Variants in ID4 observed in about 807,000 individuals in gnomAD.
ID4 encodes DNA-binding protein inhibitor ID-4.
In ID4, 9 loss-of-function variants were observed where a neutral mutation model predicts 8.6. That is an observed-to-expected ratio of 1.04 (90% CI 0.63 to 1.82). The LOEUF is 1.82. ID4 is among the 40% of genes most tolerant of loss of function. The pLI is 0.00. For synonymous variants in ID4, 180 were observed against 118.0 expected, an observed-to-expected ratio of 1.53 and a Z score of -3.41; for missense variants, 270 against 235.1, an observed-to-expected ratio of 1.15 and a Z score of -0.97.
rs140771147 is a variant in ID4, at chr6:19,840,470, G to GA, written c.*1283dup. 21,206 of 151,964 alleles carry GA rather than the reference G, an allele frequency of 0.14. 1,621 individuals are homozygous for GA. Among genetic ancestry groups the GA allele is most frequent in the Middle Eastern group, 0.22 (65 of 294 alleles). The allele number at this position is 151,964 out of a possible 1,614,324, so 9.4% of individuals were successfully genotyped here. On this transcript the variant is annotated 3_prime_UTR_variant, in exon 3 of 3. Coordinates refer to ENST00000378700, the MANE Select transcript of ID4 (RefSeq NM_001546.4). ...AAAGAATTAATAGGCAACAGTGGGA[G>GA]AAAAAAAAGGCATAATGGCAAATCC... is the stretch of plus-strand genomic sequence containing the variant.
At position 19,842,009 on chromosome 6, in the gene ID4, A is replaced by G. The variant is rs192732276; in HGVS notation, c.*2814A>G. On this transcript the variant is annotated 3_prime_UTR_variant, in exon 3 of 3. Transcript: ENST00000378700. Reference sequence around the variant, plus strand: ...GCTACAAAATCCTGACATCTCAGACATCTCAATGTTAAAGGAAGAAAAAAA... The same window carrying G: ...GCTACAAAATCCTGACATCTCAGACGTCTCAATGTTAAAGGAAGAAAAAAA... Among the ~76,000 whole-genome samples, 637 of 152,322 alleles carry G rather than the reference A, an allele frequency of 4.2e-3. 3 individuals carry two copies. The highest frequency in any genetic ancestry group is 6.8e-3 in the Middle Eastern group (2 of 294).
chr6:19,838,421 C>T (rs1264899585), intron 1 of ID4, among the ~76,000 whole-genome samples, 163 bp from the exon 2 acceptor site: 1 of 152,128 alleles, frequency 6.6e-6, no homozygotes, highest in African/African-American at 2.4e-5. Context: ...TGTGGGCGCC[C>T]TGGGCTGTCA....
chr6:19,838,517 C>T (rs951232701), intron 1 of ID4, 67 bp from the exon 2 acceptor site: 8 of 1,600,470 alleles, frequency 5.0e-6, no homozygotes, highest in South Asian at 3.3e-5. Context: ...GAGGACAATC[C>T]AGGACCGTGT....
rs956302192 is a variant in ID4, at chr6:19,839,698, T to C, written c.*503T>C. ...CTTTTCTCTGCAAGAATGTTACATATTGTATAGATAAATGAGTGACATTTC... is the reference window on the plus strand; with the variant it reads ...CTTTTCTCTGCAAGAATGTTACATACTGTATAGATAAATGAGTGACATTTC... On this transcript the variant is annotated 3_prime_UTR_variant, in exon 3 of 3. Coordinates refer to ENST00000378700, the MANE Select transcript of ID4 (RefSeq NM_001546.4). The C allele has an allele frequency of 3.9e-5, 6 of 152,562 alleles. No homozygotes were observed. Among genetic ancestry groups the C allele is most frequent in the African/African-American group, 1.4e-4 (6 of 41,386 alleles). 9.5% of individuals were successfully genotyped at this position (152,562 alleles called of 1,614,324 possible).
rs930783367 is a variant in ID4, at chr6:19,837,836, C to T, written c.82C>T (p.Leu28=). The change falls in exon 1 of 3, where the codon CTG becomes TTG. Residue 28 remains leucine, a synonymous_variant. Coordinates refer to ENST00000378700, the MANE Select transcript of ID4 (RefSeq NM_001546.4). The part of the protein sequence containing the change: ...CGGGELALRC[L]AEHGHSLGGS... ...CGGCGGGGAGCTGGCGCTGCGCTGC[C>T]TGGCCGAGCACGGCCACAGCCTGGG... 56 of 1,166,840 alleles carry T rather than the reference C, an allele frequency of 4.8e-5. No individual in the cohort carries two copies. The East Asian group carries it at 6.5e-4, about 14-fold the overall frequency. 72.3% of individuals were successfully genotyped at this position (1,166,840 alleles called of 1,614,324 possible). A position where few individuals can be genotyped will look rare whatever the true frequency, so the allele number is the denominator to read the frequency against.
Position 19,840,906 on chromosome 6 carries a change from CTG to C in ID4, c.*1717_*1718del, listed in dbSNP as rs564811462. ...AATTGGGTGCTTTGTAAATAGTCAACTGTGTGTATAACGTGGTCTGTTTGATT... is the reference window on the plus strand; with the variant it reads ...AATTGGGTGCTTTGTAAATAGTCAACTGTGTATAACGTGGTCTGTTTGATT... On this transcript the variant is annotated 3_prime_UTR_variant, in exon 3 of 3. Coordinates refer to ENST00000378700, the MANE Select transcript of ID4 (RefSeq NM_001546.4). 1.1e-4 allele frequency among the ~76,000 whole-genome samples: 16 copies of C among 152,096 alleles called. No individual in the cohort carries two copies. Among genetic ancestry groups the C allele is most frequent in the Non-Finnish European group, 2.4e-4 (16 of 68,012 alleles).
Position 19,838,586 on chromosome 6 carries a change from C to A in ID4, c.444C>A (p.Ala148=), listed in dbSNP as rs759749643. ...TTGGTGTTCGGTTGCTGTTCCAGGC[C>A]GGCGCGGTGAACAAGCAGGGCGACA... ...TPLTALNTDP[A]GAVNKQGDSI... Residue 148 remains alanine (A), a splice_region_variant and synonymous_variant, in exon 2 of 3, where the codon GCC becomes GCA. Transcript: ENST00000378700. 6.2e-7 allele frequency: 1 copy of A among 1,613,988 alleles called. No homozygotes were observed.
rs777428151 is a variant in ID4, at chr6:19,838,565, T to TGTTCGGTTGCTGTTCCAGGC, written c.442-18_443dup. 3.1e-6 allele frequency: 5 copies of TGTTCGGTTGCTGTTCCAGGC among 1,613,888 alleles called. No homozygotes were observed. The highest frequency in any genetic ancestry group is 4.2e-6 in the Non-Finnish European group (5 of 1,179,856). On this transcript the variant is annotated intron_variant, in intron 1 of 2. Coordinates refer to ENST00000378700, the MANE Select transcript of ID4 (RefSeq NM_001546.4). ...TTGCGCCTGCTAACCTTTCCCTTGG[T>TGTTCGGTTGCTGTTCCAGGC]GTTCGGTTGCTGTTCCAGGCCGGCG... is the stretch of plus-strand genomic sequence containing the variant.
rs1761280065 is a variant in ID4, at chr6:19,838,500, G to C, written c.442-84G>C. ...GGTGGGGGCGTCGGCGCGCCAGCCT[G>C]ATTTCCGAGGACAATCCAGGACCGT... On this transcript the variant is annotated intron_variant, in intron 1 of 2. Transcript: ENST00000378700. 5 of 1,580,672 alleles carry C rather than the reference G, an allele frequency of 3.2e-6. No individual in the cohort carries two copies. In the African/African-American group the frequency reaches 4.0e-5, roughly 13 times the overall value.
chr6:19,838,423 G>A lies in ID4; in HGVS notation c.442-161G>A, dbSNP rs1021591039. On this transcript the variant is annotated intron_variant, in intron 1 of 2. Transcript: ENST00000378700. Reference sequence around the variant, plus strand: ...CGGGACTCGGGGCTGTGGGCGCCCTGGGCTGTCAAGTCCCGCCTGAGCCCG... The same window carrying A: ...CGGGACTCGGGGCTGTGGGCGCCCTAGGCTGTCAAGTCCCGCCTGAGCCCG... 8 of 532,788 alleles carry A rather than the reference G, an allele frequency of 1.5e-5. No individual in the cohort carries two copies. In the African/African-American group the frequency reaches 1.6e-4, roughly 11 times the overall value. 33.0% of individuals were successfully genotyped at this position (532,788 alleles called of 1,614,324 possible). A position where few individuals can be genotyped will look rare whatever the true frequency, so the allele number is the denominator to read the frequency against.
Position 19,837,879 on chromosome 6 carries a change from C to G in ID4, c.125C>G (p.Ala42Gly), listed in dbSNP as rs1199555665. Residue 42 changes from alanine (A) to glycine (G), a missense_variant, in exon 1 of 3, where the codon GCG (alanine) becomes GGG (glycine). By Grantham distance (60) the Ala-to-Gly change is moderately conservative. Coordinates refer to ENST00000378700, the MANE Select transcript of ID4 (RefSeq NM_001546.4). ...GHSLGGSAAA[A>G]AAAAAARCKA... ...AGCCTGGGTGGCTCCGCAGCCGCGG[C>G]GGCGGCGGCGGCGGCAGCGCGCTGT... 1 of 1,280,138 alleles carries G rather than the reference C, an allele frequency of 7.8e-7. No homozygotes were observed. 79.3% of individuals were successfully genotyped at this position (1,280,138 alleles called of 1,614,324 possible). A position where few individuals can be genotyped will look rare whatever the true frequency, so the allele number is the denominator to read the frequency against.
chr6:19,838,637 G>A lies in ID4; in HGVS notation c.*9G>A, dbSNP rs775444316. The A allele has an allele frequency of 1.9e-6, 3 of 1,613,690 alleles. No individual in the cohort carries two copies. Among genetic ancestry groups the A allele is most frequent in the Non-Finnish European group, 1.7e-6 (2 of 1,179,756 alleles). On this transcript the variant is annotated 3_prime_UTR_variant, in exon 2 of 3. Coordinates refer to ENST00000378700, the MANE Select transcript of ID4 (RefSeq NM_001546.4). ...GCATTCTGTGCCGCTGAGCCGCGCT[G>A]TCCAGGTGAGCGCGCATTTCCCGTC...
chr6:19,839,457 T>G lies in ID4; in HGVS notation c.*262T>G, dbSNP rs72836085. 2.0e-5 allele frequency: 3 copies of G among 152,750 alleles called. No homozygotes were observed. The highest frequency in any genetic ancestry group is 4.4e-5 in the Non-Finnish European group (3 of 68,024). The allele number at this position is 152,750 out of a possible 1,614,324, so 9.5% of individuals were successfully genotyped here. On this transcript the variant is annotated 3_prime_UTR_variant, in exon 3 of 3. Coordinates refer to ENST00000378700, the MANE Select transcript of ID4 (RefSeq NM_001546.4). ...TTATAACTGCTGTGAATTGTACATT[T>G]CTGTGTTTTTTGGAGGTGCAGTTAA... is the stretch of plus-strand genomic sequence containing the variant.
chr6:19,837,824 G>C lies in ID4; in HGVS notation c.70G>C (p.Ala24Pro). ...APSGCGGGEL[A>P]LRCLAEHGHS... The stretch of plus-strand genomic sequence containing the variant: ...GTCGGGCTGCGGCGGCGGGGAGCTG[G>C]CGCTGCGCTGCCTGGCCGAGCACGG... Residue 24 changes from alanine (A) to proline (P), a missense_variant, in exon 1 of 3, where the codon GCG becomes CCG. Ala to Pro is a conservative substitution (Grantham distance 27, BLOSUM62 -1). This residue lies in a region of ID4 where 160 missense variants were observed against 131.5 expected (regional missense o/e 1.22). Transcript: ENST00000378700. 3.5e-6 allele frequency: 4 copies of C among 1,147,886 alleles called. No homozygotes were observed. Among genetic ancestry groups the C allele is most frequent in the Non-Finnish European group, 4.3e-6 (4 of 934,628 alleles). The allele number at this position is 1,147,886 out of a possible 1,614,324, so 71.1% of individuals were successfully genotyped here. A position where few individuals can be genotyped will look rare whatever the true frequency, so the allele number is the denominator to read the frequency against.
Position 19,841,134 on chromosome 6 carries a change from T to C in ID4, c.*1939T>C, listed in dbSNP as rs1034440863. Reference sequence around the variant, plus strand: ...TAAAATCAATCAAAATGTTTAAAAATTGATTCTGTCCTCAGCATGTTATTT... The same window carrying C: ...TAAAATCAATCAAAATGTTTAAAAACTGATTCTGTCCTCAGCATGTTATTT... On this transcript the variant is annotated 3_prime_UTR_variant, in exon 3 of 3. Coordinates refer to ENST00000378700, the MANE Select transcript of ID4 (RefSeq NM_001546.4). Among the ~76,000 whole-genome samples, 3 of 152,198 alleles carry C rather than the reference T, an allele frequency of 2.0e-5. No homozygotes were observed. The highest frequency in any genetic ancestry group is 4.4e-5 in the Non-Finnish European group (3 of 68,006).
chr6:19,839,022 C>T (rs1168291529), intron 2 of ID4, 188 bp from the exon 3 acceptor site: 93 of 220,098 alleles, frequency 4.2e-4, no homozygotes, highest in Non-Finnish European at 3.6e-5. Context: ...CGGAGTGGGT[C>T]CCCTCTCCGG....
rs774615364 is a variant in ID4 at position 19,838,641 on chromosome 6, A to G, written c.*13A>G. 1.4e-5 allele frequency: 22 copies of G among 1,612,864 alleles called. No individual in the cohort carries two copies. The highest frequency in any genetic ancestry group is 4.2e-6 in the Non-Finnish European group (5 of 1,179,384). On this transcript the variant is annotated splice_region_variant and 3_prime_UTR_variant, in exon 2 of 3. Transcript: ENST00000378700. ...TCTGTGCCGCTGAGCCGCGCTGTCC[A>G]GGTGAGCGCGCATTTCCCGTCTCGG...
rs1420198620 is a variant in ID4 at position 19,841,174 on chromosome 6, AT to A, written c.*1982del. ...GCATGTTATTTCCTCAGCTCTGATAATTTACTGGTCTTGAGTATTTTGAGAA... is the reference window on the plus strand; with the variant it reads ...GCATGTTATTTCCTCAGCTCTGATAATTACTGGTCTTGAGTATTTTGAGAA... On this transcript the variant is annotated 3_prime_UTR_variant, in exon 3 of 3. Transcript: ENST00000378700. 6.6e-6 allele frequency among the ~76,000 whole-genome samples: 1 copy of A among 152,190 alleles called. No homozygotes were observed. Among genetic ancestry groups the A allele is most frequent in the Non-Finnish European group, 1.5e-5 (1 of 68,014 alleles).
In ID4 at chr6:19,839,429, C is replaced by A. The variant is rs770411984; in HGVS notation, c.*234C>A. The A allele has an allele frequency of 1.3e-5, 2 of 152,628 alleles. No homozygotes were observed. Among genetic ancestry groups the A allele is most frequent in the South Asian group, 2.1e-4 (1 of 4,822 alleles). The allele number at this position is 152,628 out of a possible 1,614,324, so 9.5% of individuals were successfully genotyped here. ...ACATACGTATTCTCTTTTGTCTCTT[C>A]ATTTATAACTGCTGTGAATTGTACA... On this transcript the variant is annotated 3_prime_UTR_variant, in exon 3 of 3. Coordinates refer to ENST00000378700, the MANE Select transcript of ID4 (RefSeq NM_001546.4).
Sources: allele counts gnomAD v4.1 joint callset (sites outside exome capture counted in the v4.1 genomes callset), GRCh38; gene constraint gnomAD v4.1.1; regional missense constraint gnomAD v4.1.1; transcripts MANE v1.5; gene names NCBI Gene and HGNC (gene_info 2026-07-23, HGNC 2026-07-21).